Variants in KANK1 observed in about 807,000 individuals in gnomAD.
KANK1 encodes the protein KN motif and ankyrin repeat domains 1.
KANK1 carries 109 observed loss-of-function variants against 106.2 expected under a neutral mutation model. That is an observed-to-expected ratio of 1.03 (90% confidence interval 0.88 to 1.20). The LOEUF (loss-of-function observed/expected upper bound fraction) is 1.20, where lower values mean the gene tolerates loss of function less well. Ranked by LOEUF, KANK1 falls within the 50% of genes most tolerant of loss-of-function variation. KANK1 has a pLI of 0.00. For synonymous variants in KANK1, 873 were observed against 652.2 expected, an observed-to-expected ratio of 1.34 and a Z score of -5.16; for missense variants, 2,399 against 1,710.7, an observed-to-expected ratio of 1.40 and a Z score of -7.10.
intron 9 of KANK1, among the ~76,000 whole-genome samples, chr9:741,417 G>C (rs1185420150): frequency 2.0e-5 from 3 of 150,488 alleles, no homozygotes; most frequent in Admixed American, 6.6e-5. Flanking sequence ...CCGGCTCCCT[G>C]GTTGCAGTGA....
chr9:701,059 T>C (rs1564011742), intron 2 of KANK1, among the ~76,000 whole-genome samples: 1 of 152,156 alleles, frequency 6.6e-6, no homozygotes, highest in East Asian at 1.9e-4. Context: ...GCATTTTTTA[T>C]CACTTGAGCA....
At chr9:683,054 C>T (rs575375581) in intron 2 of KANK1, among the ~76,000 whole-genome samples, 2 of 152,170 alleles carry the variant, frequency 1.3e-5, no homozygotes, top group Non-Finnish European at 2.9e-5. Context: ...CTAGAACCCA[C>T]CTGGTGTTTT....
intron 1 of KANK1, among the ~76,000 whole-genome samples, chr9:578,456 GA>G (rs759106300): frequency 1.3e-5 from 2 of 151,530 alleles, no homozygotes; most frequent in Non-Finnish European, 2.9e-5. Flanking sequence ...AATCCTGAAA[GA>G]AAAAGCCTTT....
Position 712,296 on chromosome 9 carries a change from T to G in KANK1, c.1530T>G (p.Leu510=). Reference sequence around the variant, plus strand: ...ACAAAGCCACGATGGCCCAGCCGCTTGTTTTCAGTAAGGTGGTGGAGGCAG... The same window carrying G: ...ACAAAGCCACGATGGCCCAGCCGCTGGTTTTCAGTAAGGTGGTGGAGGCAG... The part of the protein sequence containing the change: ...KVDKATMAQP[L]VFSKVVEAVV... The change falls in exon 3 of 12, where the codon CTT becomes CTG. Residue 510 remains leucine, a synonymous_variant. Transcript: ENST00000382297. 6.2e-7 allele frequency: 1 copy of G among 1,614,202 alleles called. No homozygotes were observed. The highest frequency in any genetic ancestry group is 8.5e-7 in the Non-Finnish European group (1 of 1,180,042).
At chr9:607,484 CA>C (rs760884670) in intron 1 of KANK1, among the ~76,000 whole-genome samples, 6,528 of 61,162 alleles carry the variant, frequency 0.11, 193 homozygotes, top group African/African-American at 0.26. Context: ...GACTCCATCT[CA>C]AAAAAAAAAA....
intron 2 of KANK1, among the ~76,000 whole-genome samples, chr9:703,969 C>T (rs1395181102): frequency 6.6e-6 from 1 of 152,212 alleles, no homozygotes; most frequent in Non-Finnish European, 1.5e-5. Flanking sequence ...CCACCTCGGC[C>T]TCCCAAAGTG....
intron 1 of KANK1, among the ~76,000 whole-genome samples, chr9:514,096 C>A: frequency 6.8e-6 from 1 of 147,750 alleles, no homozygotes; most frequent in African/African-American, 2.6e-5. Flanking sequence ...CCCTCCTTCT[C>A]TTACTCCCTC....
chr9:561,929 C>CTT (rs1185303967), intron 1 of KANK1, among the ~76,000 whole-genome samples: 1 of 151,944 alleles, frequency 6.6e-6, no homozygotes, highest in Non-Finnish European at 1.5e-5. Flanking sequence ...CAGGCAACAA[C>CTT]GCAATGCTGT....
At position 625,037 on chromosome 9, in the gene KANK1, G is replaced by C. The variant is rs543313160; in HGVS notation, c.-83-51853G>C. 4.9e-3 allele frequency among the ~76,000 whole-genome samples: 264 copies of C among 53,558 alleles called. 1 individual carries two copies. Among genetic ancestry groups the C allele is most frequent in the Non-Finnish European group, 7.8e-3 (222 of 28,524 alleles). 35.1% of individuals were successfully genotyped at this position (53,558 alleles called of 152,430 possible). A position where few individuals can be genotyped will look rare whatever the true frequency, so the allele number is the denominator to read the frequency against. On this transcript the variant is annotated intron_variant, in intron 1 of 11. Coordinates refer to ENST00000382297, the MANE Select transcript of KANK1 (RefSeq NM_015158.5). The stretch of plus-strand genomic sequence containing the variant: ...GTGGAATGAAATGGAAGATGAAATT[G>C]TGCCTTGTTCGATGCCCTGGGGTCT...
intron 1 of KANK1, among the ~76,000 whole-genome samples, chr9:582,939 A>G (rs1016549338): frequency 5.9e-5 from 9 of 152,258 alleles, no homozygotes; most frequent in African/African-American, 1.9e-4. Flanking sequence ...TCATCAGATT[A>G]AACTTGTAGT....
chr9:744,525 C>A lies in KANK1; in HGVS notation c.3932C>A (p.Ala1311Glu). Residue 1311 changes from alanine to glutamate, a missense_variant, in exon 11 of 12, where the codon GCA becomes GAA. Physicochemically the swap from Ala to Glu is moderately radical, Grantham distance 107. Transcript: ENST00000382297. ...GSTALSIALEAGHKDIAVLLY... is the reference protein window; with the variant it reads ...GSTALSIALEEGHKDIAVLLY... ...ACTGCGCTCTCAATCGCCCTGGAAG[C>A]AGGACACAAGGACATCGCTGTTCTT... The A allele has an allele frequency of 6.2e-7, 1 of 1,614,134 alleles. No homozygotes were observed. Among genetic ancestry groups the A allele is most frequent in the Non-Finnish European group, 8.5e-7 (1 of 1,180,000 alleles).
chr9:641,154 G>T (rs531933917), intron 1 of KANK1, among the ~76,000 whole-genome samples: 86 of 152,302 alleles, frequency 5.6e-4, no homozygotes, highest in African/African-American at 2.0e-3. Flanking sequence ...ATGTAGTCCA[G>T]TGTGGGAAGA....
intron 1 of KANK1, among the ~76,000 whole-genome samples, chr9:508,047 C>G (rs374055265): frequency 6.8e-6 from 1 of 146,136 alleles, no homozygotes; most frequent in Non-Finnish European, 1.5e-5. Flanking sequence ...GTCTTGAACT[C>G]GTGACGTCAG....
intron 10 of KANK1, among the ~76,000 whole-genome samples, chr9:742,735 G>A (rs1835999390): frequency 6.6e-6 from 1 of 152,218 alleles, no homozygotes; most frequent in East Asian, 1.9e-4. Flanking sequence ...CAAATTCAGT[G>A]TAGGTGACTT....
At chr9:684,190 AG>A (rs1818104204) in intron 2 of KANK1, 1 of 985,282 alleles carries the variant, frequency 1.0e-6, no homozygotes, top group Non-Finnish European at 1.2e-6. Flanking sequence ...CCAAGCCTTG[AG>A]CCAGTCATAA....
In KANK1 at chr9:742,319, C is replaced by G; in HGVS notation, c.3811C>G (p.Leu1271Val). The G allele has an allele frequency of 6.2e-7, 1 of 1,614,150 alleles. No homozygotes were observed. Among genetic ancestry groups the G allele is most frequent in the Non-Finnish European group, 8.5e-7 (1 of 1,180,014 alleles). ...NIQDDEGSTALMCASEHGHVE... is the reference protein window; with the variant it reads ...NIQDDEGSTAVMCASEHGHVE... ...CCAGGATGACGAGGGCTCCACGGCCCTCATGTGTGCCAGCGAGCACGGACA... is the reference window on the plus strand; with the variant it reads ...CCAGGATGACGAGGGCTCCACGGCCGTCATGTGTGCCAGCGAGCACGGACA... Residue 1271 changes from leucine to valine, a missense_variant, in exon 10 of 12, where the codon CTC (leucine) becomes GTC (valine). Physicochemically the swap from Leu to Val is conservative, Grantham distance 32. Coordinates refer to ENST00000382297, the MANE Select transcript of KANK1 (RefSeq NM_015158.5).
chr9:656,879 C>T (rs200699947), intron 1 of KANK1, among the ~76,000 whole-genome samples: 18,894 of 151,284 alleles, frequency 0.12, 1,457 homozygotes, highest in Admixed American at 0.17. Flanking sequence ...TACTTTTTTC[C>T]TTTTTTTTTA....
intron 2 of KANK1, among the ~76,000 whole-genome samples, chr9:678,174 C>G (rs1344001795): frequency 1.3e-5 from 2 of 152,116 alleles, no homozygotes; most frequent in African/African-American, 4.8e-5. Flanking sequence ...CCTGTCCATT[C>G]CATTTTTGAC....
intron 1 of KANK1, among the ~76,000 whole-genome samples, chr9:599,309 C>T (rs923074799): frequency 6.6e-6 from 1 of 151,582 alleles, no homozygotes; most frequent in Admixed American, 6.6e-5. Context: ...TGAGCCACCA[C>T]ACCCGGCAAG....
Sources: allele counts gnomAD v4.1 joint callset (sites outside exome capture counted in the v4.1 genomes callset), GRCh38; gene constraint gnomAD v4.1.1; transcripts MANE v1.5; gene names NCBI Gene and HGNC (gene_info 2026-07-23, HGNC 2026-07-21).